Variants in TANGO6 observed in about 807,000 individuals in gnomAD.
TANGO6 encodes the protein transport and Golgi organization protein 6 homolog.
In TANGO6, 90 loss-of-function variants were observed where a neutral mutation model predicts 114.2. The observed-to-expected ratio is 0.79, with a 90% CI of 0.66 to 0.94. The LOEUF (loss-of-function observed/expected upper bound fraction) is 0.94, where lower values mean the gene tolerates loss of function less well. Among genes scored for constraint, TANGO6 ranks in the 40% least tolerant of loss-of-function variants. The probability of loss-of-function intolerance (pLI) is 0.00; values close to 1 mark genes in which losing one functional copy is unlikely to be tolerated. For synonymous variants in TANGO6, 477 were observed against 509.8 expected, an observed-to-expected ratio of 0.94 and a Z score of 0.87; for missense variants, 1,274 against 1,315.3, an observed-to-expected ratio of 0.97 and a Z score of 0.49.
At chr16:68,917,241 C>A (rs957575959) in intron 11 of TANGO6, among the ~76,000 whole-genome samples, 2 of 152,010 alleles carry the variant, frequency 1.3e-5, no homozygotes, top group Non-Finnish European at 2.9e-5. Flanking sequence ...AGCTTGATTG[C>A]CCATTTTTTG....
At chr16:68,933,015 C>T (rs1481746980) in intron 14 of TANGO6, among the ~76,000 whole-genome samples, 1 of 152,202 alleles carries the variant, frequency 6.6e-6, no homozygotes, top group Non-Finnish European at 1.5e-5. Context: ...TTGTTATCAT[C>T]ATCAGAATCT....
intron 7 of TANGO6, among the ~76,000 whole-genome samples, chr16:68,891,263 G>A (rs958479070): frequency 7.0e-6 from 1 of 143,424 alleles, no homozygotes; most frequent in Admixed American, 7.2e-5. Flanking sequence ...TTGCACTCCA[G>A]CCTAGGTGAC....
intron 15 of TANGO6, among the ~76,000 whole-genome samples, chr16:68,977,008 T>C (rs1358146688): frequency 1.3e-5 from 2 of 152,206 alleles, no homozygotes; most frequent in Non-Finnish European, 2.9e-5. Context: ...CTGTGAGCTA[T>C]AGTAAAACTT....
At chr16:68,973,507 A>G (rs1296264536) in intron 14 of TANGO6, among the ~76,000 whole-genome samples, 1 of 152,154 alleles carries the variant, frequency 6.6e-6, no homozygotes, top group Admixed American at 6.6e-5. Context: ...TTATGATAAC[A>G]CTGTTCCAGG....
intron 14 of TANGO6, among the ~76,000 whole-genome samples, chr16:68,942,801 CAGTGATGTATGACCTATAAATCACA>C (rs1292354227): frequency 6.6e-6 from 1 of 152,066 alleles, no homozygotes; most frequent in Non-Finnish European, 1.5e-5. Context: ...ATGCTAAATG[CAGTGATGTATGACCTATAAATCACA>C]AGTAGCAAGA....
chr16:69,084,746 T>A lies in TANGO6; in HGVS notation c.*1085T>A, dbSNP rs1960513384. 1 of 152,342 alleles carries A rather than the reference T, an allele frequency of 6.6e-6. No homozygotes were observed. Among genetic ancestry groups the A allele is most frequent in the African/African-American group, 2.4e-5 (1 of 41,464 alleles). The allele number at this position is 152,342 out of a possible 1,614,324, so 9.4% of individuals were successfully genotyped here. ...CAGTCCTCAGCTTTGCAGGGCTAGGTACAGAATTTTATCACAGGATTTTAT... is the reference window on the plus strand; with the variant it reads ...CAGTCCTCAGCTTTGCAGGGCTAGGAACAGAATTTTATCACAGGATTTTAT... On this transcript the variant is annotated 3_prime_UTR_variant, in exon 18 of 18. Transcript: ENST00000261778.
intron 2 of TANGO6, among the ~76,000 whole-genome samples, chr16:68,862,125 C>T (rs570364995): frequency 6.6e-5 from 10 of 151,998 alleles, no homozygotes; most frequent in South Asian, 2.1e-4. Flanking sequence ...GCAACCTCCG[C>T]CTCCTGGGTT....
chr16:68,941,555 C>G (rs1297702880), intron 14 of TANGO6, among the ~76,000 whole-genome samples: 1 of 151,838 alleles, frequency 6.6e-6, no homozygotes, highest in Non-Finnish European at 1.5e-5. Flanking sequence ...ACCAGCCTGG[C>G]CAATATGGTG....
At chr16:68,984,640 G>C (rs1441985717) in intron 15 of TANGO6, among the ~76,000 whole-genome samples, 1 of 151,868 alleles carries the variant, frequency 6.6e-6, no homozygotes, top group Non-Finnish European at 1.5e-5. Flanking sequence ...TCCCACCTCA[G>C]CCTCCCGAGT....
At chr16:68,916,686 C>CT (rs958734737) in intron 11 of TANGO6, among the ~76,000 whole-genome samples, 1 of 152,098 alleles carries the variant, frequency 6.6e-6, no homozygotes, top group Non-Finnish European at 1.5e-5. Flanking sequence ...AGGAAACCTC[C>CT]TTTTGAGAAG....
At chr16:68,863,406 G>T (rs921826256) in intron 3 of TANGO6, among the ~76,000 whole-genome samples, 1 of 152,010 alleles carries the variant, frequency 6.6e-6, no homozygotes, top group Non-Finnish European at 1.5e-5. Context: ...TCGTGAGTTC[G>T]AGACCAGCCT....
At chr16:68,905,181 G>T (rs915850607) in intron 9 of TANGO6, among the ~76,000 whole-genome samples, 3 of 151,996 alleles carry the variant, frequency 2.0e-5, no homozygotes, top group African/African-American at 7.3e-5. Flanking sequence ...GGTGGGCCGA[G>T]ATTGTGCCAT....
chr16:68,932,840 T>A (rs563443315), intron 14 of TANGO6, among the ~76,000 whole-genome samples: 1 of 152,218 alleles, frequency 6.6e-6, no homozygotes, highest in Non-Finnish European at 1.5e-5. Flanking sequence ...GAAATTTGAA[T>A]AAATTATAAA....
intron 14 of TANGO6, among the ~76,000 whole-genome samples, chr16:68,941,196 G>T (rs148500763): frequency 6.6e-6 from 1 of 152,136 alleles, no homozygotes; most frequent in East Asian, 1.9e-4. Flanking sequence ...GTAAGGAAAA[G>T]AAAAAACATG....
intron 7 of TANGO6, among the ~76,000 whole-genome samples, chr16:68,899,490 C>G (rs1858900206): frequency 2.6e-5 from 4 of 151,694 alleles, no homozygotes; most frequent in Admixed American, 2.6e-4. Flanking sequence ...TAATAAAATT[C>G]ACCATCCTCA....
intron 12 of TANGO6, among the ~76,000 whole-genome samples, chr16:68,922,520 G>A (rs573764469): frequency 6.6e-6 from 1 of 151,424 alleles, no homozygotes; most frequent in East Asian, 1.9e-4. Flanking sequence ...TGGCAACAGA[G>A]CAAGACTCCA....
At chr16:69,036,612 G>A (rs189347918) in intron 16 of TANGO6, among the ~76,000 whole-genome samples, 1 of 152,218 alleles carries the variant, frequency 6.6e-6, no homozygotes, top group East Asian at 1.9e-4. Flanking sequence ...TCTCAGCAAG[G>A]CTTGTCATAA....
intron 17 of TANGO6, among the ~76,000 whole-genome samples, chr16:69,063,991 C>T (rs1960177191): frequency 6.6e-6 from 1 of 152,012 alleles, no homozygotes; most frequent in African/African-American, 2.4e-5. Flanking sequence ...CATGTGCCAC[C>T]ACGCGTGGCT....
At chr16:68,870,883 C>A (rs907208045) in intron 4 of TANGO6, among the ~76,000 whole-genome samples, 2 of 151,228 alleles carry the variant, frequency 1.3e-5, no homozygotes, top group African/African-American at 4.9e-5. Context: ...TGGGTTCAAG[C>A]GATTATCCTG....
Sources: gnomAD v4.1 joint callset for allele counts (sites outside exome capture counted in the v4.1 genomes callset) on GRCh38, gnomAD v4.1.1 for gene constraint, MANE v1.5 for transcripts, NCBI Gene and HGNC (gene_info 2026-07-23, HGNC 2026-07-21) for gene names.